Variants in DCBLD1 observed in about 807,000 individuals in gnomAD.
DCBLD1 encodes the protein discoidin, CUB and LCCL domain containing 1.
Under a neutral mutation model 71.5 loss-of-function variants are expected in DCBLD1, and 57 were observed. The ratio of observed to expected loss-of-function variants is 0.80; its 90% CI spans 0.64 to 0.99. The LOEUF is 0.99. DCBLD1 is among the 50% of genes least tolerant of loss of function. DCBLD1 has a pLI of 0.00. For synonymous variants in DCBLD1, 380 were observed against 363.8 expected (o/e 1.04, Z -0.51); for missense variants, 891 against 923.5 (o/e 0.96, Z 0.46).
chr6:117,528,185 A>T (rs986301111), intron 5 of DCBLD1, among the ~76,000 whole-genome samples: 1 of 152,206 alleles, frequency 6.6e-6, no homozygotes, highest in Non-Finnish European at 1.5e-5. Flanking sequence ...ATGGCAAGTG[A>T]TTATCTCTGG....
chr6:117,506,888 C>T (rs910328027), intron 2 of DCBLD1, among the ~76,000 whole-genome samples: 17 of 152,226 alleles, frequency 1.1e-4, no homozygotes, highest in Non-Finnish European at 1.8e-4. Flanking sequence ...TGGAATACCA[C>T]ATTTAATTCC....
chr6:117,557,435 G>T (rs1263710452), intron 14 of DCBLD1, among the ~76,000 whole-genome samples: 2 of 152,014 alleles, frequency 1.3e-5, no homozygotes, highest in African/African-American at 4.8e-5. Context: ...TCTAATTTCA[G>T]TTCTTTCTTT....
chr6:117,484,155 C>T (rs1777003784), intron 1 of DCBLD1, among the ~76,000 whole-genome samples: 1 of 152,072 alleles, frequency 6.6e-6, no homozygotes, highest in South Asian at 2.1e-4. Flanking sequence ...TTTGAAGGTG[C>T]ACCTTTAATA....
intron 14 of DCBLD1, among the ~76,000 whole-genome samples, chr6:117,557,038 GCTCA>G (rs1481053997): frequency 1.3e-5 from 2 of 150,632 alleles, no homozygotes; most frequent in Admixed American, 6.6e-5. Flanking sequence ...TCTGTTTTTT[GCTCA>G]CTTTTTATCT....
intron 5 of DCBLD1, among the ~76,000 whole-genome samples, chr6:117,530,342 C>T (rs1778674266): frequency 6.6e-6 from 1 of 152,200 alleles, no homozygotes; most frequent in Non-Finnish European, 1.5e-5. Context: ...CACCTCAGAT[C>T]ACCAGGAATT....
At chr6:117,553,269 G>A (rs73766235), downstream of DCBLD1, among the ~76,000 whole-genome samples, 1,825 of 152,212 alleles carry the variant, frequency 0.012, 49 homozygotes, top group African/African-American at 0.042. Flanking sequence ...AAAAATAAAA[G>A]TCGTTAAAAT....
chr6:117,564,451 G>A (rs1331356942), intron 14 of DCBLD1, among the ~76,000 whole-genome samples: 1 of 152,118 alleles, frequency 6.6e-6, no homozygotes, highest in Non-Finnish European at 1.5e-5. Flanking sequence ...TTGTTGGCAA[G>A]ATGATGTCTA....
chr6:117,520,670 G>C (rs1447890765), intron 3 of DCBLD1, among the ~76,000 whole-genome samples: 1 of 152,210 alleles, frequency 6.6e-6, no homozygotes, highest in East Asian at 1.9e-4. Context: ...ACTGATGAGA[G>C]AGAGAAGCAC....
At chr6:117,560,305 A>G (rs1359767794) in intron 14 of DCBLD1, 1 of 176,688 alleles carries the variant, frequency 5.7e-6, no homozygotes, top group Admixed American at 6.3e-5. Flanking sequence ...ATTTAAAAAA[A>G]TGAGATCAAT....
At chr6:117,499,147 A>C (rs999953610) in intron 1 of DCBLD1, among the ~76,000 whole-genome samples, 1 of 151,430 alleles carries the variant, frequency 6.6e-6, no homozygotes, top group Admixed American at 6.6e-5. Flanking sequence ...GCACACCTGT[A>C]ATCCCAGCAT....
chr6:117,547,213 T>C (rs1779294674), intron 14 of DCBLD1, among the ~76,000 whole-genome samples: 1 of 152,216 alleles, frequency 6.6e-6, no homozygotes, highest in Non-Finnish European at 1.5e-5. Flanking sequence ...TCAATGCTTT[T>C]CCATGCTCTA....
Position 117,548,376 on chromosome 6 carries a change from C to A in DCBLD1, c.2085C>A (p.Ser695Arg). 1 of 1,550,698 alleles carries A rather than the reference C, an allele frequency of 6.4e-7. No individual in the cohort carries two copies. The highest frequency in any genetic ancestry group is 2.4e-5 in the East Asian group (1 of 40,916). Reference sequence around the variant, plus strand: ...CAACGCATCCCGGGACGAGTGACAGCTATTCTGCCCCCAGAGACTGCCTCA... The same window carrying A: ...CAACGCATCCCGGGACGAGTGACAGATATTCTGCCCCCAGAGACTGCCTCA... ...KPPTHPGTSD[S>R]YSAPRDCLTP... Residue 695 changes from serine to arginine, a missense_variant, in exon 15 of 15, where the codon AGC (serine) becomes AGA (arginine). Ser to Arg is a moderately radical substitution (Grantham distance 110, BLOSUM62 -1). Transcript: ENST00000338728.
intron 1 of DCBLD1, among the ~76,000 whole-genome samples, chr6:117,498,284 G>A (rs1428113601): frequency 6.6e-6 from 1 of 152,168 alleles, no homozygotes; most frequent in African/African-American, 2.4e-5. Context: ...CAGACACCAG[G>A]ATTTAGGCCC....
At chr6:117,520,680 C>T (rs79447121) in intron 3 of DCBLD1, among the ~76,000 whole-genome samples, 180 of 152,318 alleles carry the variant, frequency 1.2e-3, no homozygotes, top group African/African-American at 4.2e-3. Flanking sequence ...GAGAGAAGCA[C>T]GGGCTCCTGT....
At chr6:117,517,933 T>G (rs1014781526) in intron 2 of DCBLD1, among the ~76,000 whole-genome samples, 8 of 152,322 alleles carry the variant, frequency 5.3e-5, no homozygotes, top group Middle Eastern at 3.4e-3. Context: ...CTGGAGACAT[T>G]TTCCACATTG....
chr6:117,493,102 A>G (rs542262353), intron 1 of DCBLD1, among the ~76,000 whole-genome samples: 4 of 152,366 alleles, frequency 2.6e-5, no homozygotes, highest in African/African-American at 4.8e-5. Flanking sequence ...AAATTAAACC[A>G]TACAAAATTT....
At chr6:117,554,672 A>C (rs1011046048), downstream of DCBLD1, among the ~76,000 whole-genome samples, 1 of 152,040 alleles carries the variant, frequency 6.6e-6, no homozygotes, top group African/African-American at 2.4e-5. Context: ...AGGCGGGCGG[A>C]TCATGAGGTC....
chr6:117,532,392 GAGTA>G lies in DCBLD1; in HGVS notation c.719+4_719+7del, dbSNP rs752357664. 16 of 1,602,422 alleles carry G rather than the reference GAGTA, an allele frequency of 1.0e-5. No individual in the cohort carries two copies. Among genetic ancestry groups the G allele is most frequent in the Non-Finnish European group, 1.3e-5 (15 of 1,176,672 alleles). ...TCTGGCCAATGGTGTTCTTTCGAGG[GAGTA>G]AGTATTTTTTTTCAGTATCGTTTGT... On this transcript the variant is annotated splice_donor_variant and splice_donor_region_variant and coding_sequence_variant and intron_variant, in exon 6 of 15. Transcript: ENST00000338728. LOFTEE classifies it high-confidence loss of function.
At position 117,568,553 on chromosome 6, in the gene DCBLD1, T is replaced by C. The variant is rs1779744257; in HGVS notation, c.1616-1067T>C. On this transcript the variant is annotated intron_variant, in intron 14 of 14. Coordinates refer to the DCBLD1 transcript ENST00000296955. ...CAAGATGGATTGATAAAACACTAACTTAAGAGAATAGCGTAGCATTCTTAG... is the reference window on the plus strand; with the variant it reads ...CAAGATGGATTGATAAAACACTAACCTAAGAGAATAGCGTAGCATTCTTAG... Among the ~76,000 whole-genome samples, 6 of 152,334 alleles carry C rather than the reference T, an allele frequency of 3.9e-5. No individual in the cohort carries two copies. The South Asian group carries it at 1.2e-3, about 32-fold the overall frequency.
Sources: gnomAD v4.1 joint callset for allele counts (sites outside exome capture counted in the v4.1 genomes callset) on GRCh38, gnomAD v4.1.1 for gene constraint, MANE v1.5 for transcripts, NCBI Gene and HGNC (gene_info 2026-07-23, HGNC 2026-07-21) for gene names.